NFILZ: variants seen among roughly 807,000 people sequenced by gnomAD.
NFILZ encodes the protein NFIL3 like protein.
Position 8,671,792 on chromosome 19 carries a change from T to C in NFILZ, c.-163-2759T>C, listed in dbSNP as rs530157590. ...ATTCCTGGGCTCTGGTCAACATCCG[T>C]TGAAGTTGGAATGGTTGTTGGGACC... On this transcript the variant is annotated intron_variant, in intron 3 of 5. Coordinates refer to ENST00000691075, the MANE Select transcript of NFILZ (RefSeq NM_001378600.1). 9.5e-4 allele frequency among the ~76,000 whole-genome samples: 144 copies of C among 152,270 alleles called. 1 individual carries two copies. Among genetic ancestry groups the C allele is most frequent in the Non-Finnish European group, 1.7e-3 (114 of 68,020 alleles).
chr19:8,666,949 C>G (rs184968022), intron 3 of NFILZ, among the ~76,000 whole-genome samples: 1 of 148,904 alleles, frequency 6.7e-6, no homozygotes, highest in Admixed American at 6.7e-5. Context: ...AGGGTTTTGC[C>G]ACATTGCCCG....
At chr19:8,672,753 A>G (rs1555750402) in intron 3 of NFILZ, among the ~76,000 whole-genome samples, 1 of 152,246 alleles carries the variant, frequency 6.6e-6, no homozygotes, top group Non-Finnish European at 1.5e-5. Context: ...AAAAATATTC[A>G]TATATTTATT....
rs1600147616 is a variant in NFILZ, at chr19:8,656,426, CCGCAGCCCA to C, written c.-163-18123_-163-18115del. On this transcript the variant is annotated intron_variant, in intron 3 of 5. Coordinates refer to ENST00000691075, the MANE Select transcript of NFILZ (RefSeq NM_001378600.1). ...CCTTCTCTCTGAAACCCACCTCTTTCCGCAGCCCACCTTCTCCTCGAAGCCCACCTTCTC... is the reference window on the plus strand; with the variant it reads ...CCTTCTCTCTGAAACCCACCTCTTTCCCTTCTCCTCGAAGCCCACCTTCTC... Among the ~76,000 whole-genome samples, 826 of 100,320 alleles carry C rather than the reference CCGCAGCCCA, an allele frequency of 8.2e-3. 62 individuals carry two copies. Among genetic ancestry groups the C allele is most frequent in the Middle Eastern group, 0.013 (2 of 154 alleles). 65.8% of individuals were successfully genotyped at this position (100,320 alleles called of 152,430 possible).
chr19:8,660,640 C>CTT (rs71179880), intron 3 of NFILZ, among the ~76,000 whole-genome samples: 10 of 111,810 alleles, frequency 8.9e-5, no homozygotes, highest in East Asian at 2.9e-4. Flanking sequence ...CCCTCCCTTA[C>CTT]TTTTTTTTTT....
In NFILZ at chr19:8,680,946, G is replaced by A. The variant is rs73924326; in HGVS notation, c.*3311G>A. ...TGTGGCTGGAGTGGAGTGAGTAAGG[G>A]GGAGAGAGGGAGGAGGCGAGGGCAG... On this transcript the variant is annotated 3_prime_UTR_variant, in exon 6 of 6. Coordinates refer to ENST00000691075, the MANE Select transcript of NFILZ (RefSeq NM_001378600.1). Among the ~76,000 whole-genome samples the A allele has an allele frequency of 0.015, 2,230 of 152,174 alleles. 53 individuals carry two copies. Among genetic ancestry groups the A allele is most frequent in the African/African-American group, 0.051 (2,099 of 41,512 alleles).
Position 8,663,473 on chromosome 19 carries a change from A to G in NFILZ, c.-163-11078A>G, listed in dbSNP as rs868908618. On this transcript the variant is annotated intron_variant, in intron 3 of 5. Coordinates refer to ENST00000691075, the MANE Select transcript of NFILZ (RefSeq NM_001378600.1). ...AGGGGTGGAACTGCCATGAACTGAG[A>G]TGGGGAAGGTGGAGGGGACGCTGGT... Among the ~76,000 whole-genome samples the G allele has an allele frequency of 2.2e-3, 184 of 81,830 alleles. 1 individual carries two copies. The highest frequency in any genetic ancestry group is 7.6e-3 in the African/African-American group (141 of 18,488). The allele number at this position is 81,830 out of a possible 152,430, so 53.7% of individuals were successfully genotyped here. A position where few individuals can be genotyped will look rare whatever the true frequency, so the allele number is the denominator to read the frequency against.
In NFILZ at chr19:8,678,176, T is replaced by C. The variant is rs914445722; in HGVS notation, c.*541T>C. Among the ~76,000 whole-genome samples the C allele has an allele frequency of 6.8e-5, 3 of 44,190 alleles. No homozygotes were observed. Among genetic ancestry groups the C allele is most frequent in the African/African-American group, 1.6e-4 (2 of 12,416 alleles). The allele number at this position is 44,190 out of a possible 152,430, so 29.0% of individuals were successfully genotyped here. On this transcript the variant is annotated 3_prime_UTR_variant, in exon 6 of 6. Coordinates refer to ENST00000691075, the MANE Select transcript of NFILZ (RefSeq NM_001378600.1). ...GTCCATCCATCCATCCATCCATCCA[T>C]CCATCCATCCATCCGTCCATCTATC...
chr19:8,664,167 C>G (rs530633788), intron 3 of NFILZ, among the ~76,000 whole-genome samples: 81 of 152,292 alleles, frequency 5.3e-4, no homozygotes, highest in African/African-American at 1.9e-3. Flanking sequence ...CTCGGGTGTC[C>G]AAGAACTGAG....
At chr19:8,638,993 C>T (rs1229213909) in intron 3 of NFILZ, among the ~76,000 whole-genome samples, 5 of 151,950 alleles carry the variant, frequency 3.3e-5, no homozygotes, top group African/African-American at 1.2e-4. Flanking sequence ...CAGGCGCACA[C>T]CACCATGCCC....
chr19:8,656,763 T>A (rs894111134), intron 3 of NFILZ, among the ~76,000 whole-genome samples: 36 of 152,068 alleles, frequency 2.4e-4, no homozygotes, highest in African/African-American at 8.5e-4. Context: ...TGGCAACACC[T>A]GTGTGTGTGT....
chr19:8,678,949 A>T lies in NFILZ; in HGVS notation c.*1314A>T, dbSNP rs2043131921. Among the ~76,000 whole-genome samples the T allele has an allele frequency of 6.6e-6, 1 of 152,058 alleles. No individual in the cohort carries two copies. Among genetic ancestry groups the T allele is most frequent in the African/African-American group, 2.4e-5 (1 of 41,390 alleles). The stretch of plus-strand genomic sequence containing the variant: ...TGGGAAGAAACATACTGAAGACCAG[A>T]CTGAAGGAGGAGGTAACGTCTAGGG... On this transcript the variant is annotated 3_prime_UTR_variant, in exon 6 of 6. Transcript: ENST00000691075.
At chr19:8,657,160 T>C (rs1459981752) in intron 3 of NFILZ, among the ~76,000 whole-genome samples, 1 of 151,914 alleles carries the variant, frequency 6.6e-6, no homozygotes, top group African/African-American at 2.4e-5. Context: ...TGCTTTTTTT[T>C]TTTGAGACGG....
At chr19:8,666,180 A>C (rs962286355) in intron 3 of NFILZ, among the ~76,000 whole-genome samples, 8 of 152,066 alleles carry the variant, frequency 5.3e-5, no homozygotes, top group Non-Finnish European at 1.0e-4. Flanking sequence ...AGACTCCCCA[A>C]GTCTTCATAG....
At chr19:8,636,215 C>T (rs952639030) in intron 3 of NFILZ, among the ~76,000 whole-genome samples, 12 of 149,816 alleles carry the variant, frequency 8.0e-5, no homozygotes, top group Non-Finnish European at 1.5e-4. Context: ...TTTGGGAGGC[C>T]GAGGCGGGTG....
At chr19:8,650,039 C>T (rs3111573) in intron 3 of NFILZ, among the ~76,000 whole-genome samples, 18,103 of 150,818 alleles carry the variant, frequency 0.12, 1,118 homozygotes, top group Middle Eastern at 0.22. Flanking sequence ...GGCGTGAACC[C>T]GGGAGGTGGA....
intron 3 of NFILZ, among the ~76,000 whole-genome samples, chr19:8,671,642 A>G (rs1555750289): frequency 6.6e-6 from 1 of 151,920 alleles, no homozygotes. Context: ...TTTCCAGCCC[A>G]GCTGTGTTCA....
chr19:8,662,919 G>A (rs1398054443), intron 3 of NFILZ, among the ~76,000 whole-genome samples: 1 of 151,274 alleles, frequency 6.6e-6, no homozygotes, highest in Admixed American at 6.6e-5. Flanking sequence ...ATGAGCCACC[G>A]TGCCTGGCCT....
chr19:8,652,661 A>G (rs1209333911), intron 3 of NFILZ, among the ~76,000 whole-genome samples: 1 of 152,188 alleles, frequency 6.6e-6, no homozygotes, highest in African/African-American at 2.4e-5. Context: ...GCTTGCAGAT[A>G]TTTCGGTTTT....
intron 3 of NFILZ, among the ~76,000 whole-genome samples, chr19:8,658,138 G>T (rs781815792): frequency 4.6e-5 from 7 of 152,198 alleles, no homozygotes; most frequent in Admixed American, 2.0e-4. Flanking sequence ...GTGTGTTGAG[G>T]GAAGAGCAAG....
Sources: allele counts gnomAD v4.1 joint callset (sites outside exome capture counted in the v4.1 genomes callset), GRCh38; gene constraint gnomAD v4.1.1; transcripts MANE v1.5; gene names NCBI Gene and HGNC (gene_info 2026-07-23, HGNC 2026-07-21).